The following C1orf50 variants were observed in gnomAD, a reference collection of about 807,000 sequenced individuals.
C1orf50 encodes the protein chromosome 1 open reading frame 50.
In C1orf50, 22 loss-of-function variants were observed where a neutral mutation model predicts 23.3. The ratio of observed to expected loss-of-function variants is 0.94; its 90% CI spans 0.67 to 1.35. C1orf50 has a LOEUF of 1.35. C1orf50 is among the 40% of genes most tolerant of loss of function. The probability of loss-of-function intolerance (pLI) is 0.00; values close to 1 mark genes in which losing one functional copy is unlikely to be tolerated. For missense variants in C1orf50, 271 were observed against 249.4 expected, an observed-to-expected ratio of 1.09 and a Z score of -0.58; for synonymous variants, 96 against 102.4, an observed-to-expected ratio of 0.94 and a Z score of 0.38.
intron 2 of C1orf50, among the ~76,000 whole-genome samples, chr1:42,772,499 G>A (rs373978102): frequency 6.6e-5 from 10 of 152,258 alleles, no homozygotes; most frequent in East Asian, 5.8e-4. Flanking sequence ...GAAATGTCCT[G>A]GCTGGGCTCA....
rs1417487432 is a variant in C1orf50, at chr1:42,778,536, T to C, written c.*3142T>C. On this transcript the variant is annotated 3_prime_UTR_variant, in exon 5 of 5. Coordinates refer to ENST00000372525, the MANE Select transcript of C1orf50 (RefSeq NM_024097.4). Reference sequence around the variant, plus strand: ...TTGTCTTTTGGGGGTTGGGGTAGGGTTCATTTTTGGATGGAGTTTATTTGT... The same window carrying C: ...TTGTCTTTTGGGGGTTGGGGTAGGGCTCATTTTTGGATGGAGTTTATTTGT... The C allele has an allele frequency of 6.6e-6, 1 of 152,132 alleles. No individual in the cohort carries two copies. Among genetic ancestry groups the C allele is most frequent in the East Asian group, 1.9e-4 (1 of 5,188 alleles). 9.4% of individuals were successfully genotyped at this position (152,132 alleles called of 1,614,324 possible).
At position 42,778,958 on chromosome 1, in the gene C1orf50, A is replaced by C. The variant is rs1653390022; in HGVS notation, c.*3564A>C. ...AGAATGAGAGGGCCTGTATTTCACC[A>C]ATTACAAGGTGTACTTCCCCCCCCC... On this transcript the variant is annotated 3_prime_UTR_variant, in exon 5 of 5. Transcript: ENST00000372525. The C allele has an allele frequency of 8.1e-6, 1 of 124,098 alleles. No homozygotes were observed. The allele number at this position is 124,098 out of a possible 1,614,324, so 7.7% of individuals were successfully genotyped here. A position where few individuals can be genotyped will look rare whatever the true frequency, so the allele number is the denominator to read the frequency against.
At position 42,767,511 on chromosome 1, in the gene C1orf50, G is replaced by A. The variant is rs1024299134; in HGVS notation, c.82G>A (p.Ala28Thr). The change falls in exon 2 of 5, where the codon GCC (alanine) becomes ACC (threonine). Residue 28 changes from alanine (A) to threonine (T), a missense_variant and splice_region_variant. Ala to Thr is a moderately conservative substitution (Grantham distance 58). Coordinates refer to ENST00000372525, the MANE Select transcript of C1orf50 (RefSeq NM_024097.4). Reference protein sequence around the residue: ...GAPPAAGQGGALVELTPTPGG... With the variant: ...GAPPAAGQGGTLVELTPTPGG... The stretch of plus-strand genomic sequence containing the variant: ...GTGTTCCTGGGTGTGTGTCGCAGGA[G>A]CCCTGGTGGAGCTCACCCCGACCCC... The A allele has an allele frequency of 6.4e-7, 1 of 1,571,428 alleles. No homozygotes were observed. The highest frequency in any genetic ancestry group is 8.6e-7 in the Non-Finnish European group (1 of 1,158,792).
chr1:42,774,684 G>T, intron 3 of C1orf50, 53 bp from the exon 4 acceptor site: 1 of 1,554,252 alleles, frequency 6.4e-7, no homozygotes, highest in Non-Finnish European at 8.8e-7. Context: ...ATCACCAAAT[G>T]TGGGTGCCTG....
In C1orf50 at chr1:42,774,793, G is replaced by GA. The variant is rs1557585726; in HGVS notation, c.345dup (p.Pro116ThrfsTer9). On this transcript the variant is annotated frameshift_variant, in exon 4 of 5. Coordinates refer to ENST00000372525, the MANE Select transcript of C1orf50 (RefSeq NM_024097.4). LOFTEE classifies it high-confidence loss of function. ...TGCACCATGTAGCTTGTAATATAGT[G>GA]AAAAAACCTGGCAACATTTACTATC... is the stretch of plus-strand genomic sequence containing the variant. 1 of 1,613,800 alleles carries GA rather than the reference G, an allele frequency of 6.2e-7. No homozygotes were observed. The highest frequency in any genetic ancestry group is 8.5e-7 in the Non-Finnish European group (1 of 1,179,884).
At position 42,767,813 on chromosome 1, in the gene C1orf50, G is replaced by A. The variant is rs61775634; in HGVS notation, c.195+189G>A. ...TTCGAATGACCTTCTGGGACCAAAG[G>A]TTCCTCTAACTGCAACTTGAGTGCC... On this transcript the variant is annotated intron_variant, in intron 2 of 4. Coordinates refer to ENST00000372525, the MANE Select transcript of C1orf50 (RefSeq NM_024097.4). Among the ~76,000 whole-genome samples, 28,629 of 152,104 alleles carry A rather than the reference G, an allele frequency of 0.19. 3,463 individuals are homozygous for A. The highest frequency in any genetic ancestry group is 0.25 in the Non-Finnish European group (17,151 of 67,958).
chr1:42,775,454 A>G lies in C1orf50; in HGVS notation c.*60A>G. 1 of 1,453,772 alleles carries G rather than the reference A, an allele frequency of 6.9e-7. No individual in the cohort carries two copies. 90.1% of individuals were successfully genotyped at this position (1,453,772 alleles called of 1,614,324 possible). The stretch of plus-strand genomic sequence containing the variant: ...GGCTGTCAACCTCCTTGTTGCCCCC[A>G]CTGTTGCCTTGAGAATTGAAGACAT... On this transcript the variant is annotated 3_prime_UTR_variant, in exon 5 of 5. Coordinates refer to ENST00000372525, the MANE Select transcript of C1orf50 (RefSeq NM_024097.4).
Position 42,767,301 on chromosome 1 carries a change from A to G in C1orf50, c.-11A>G. The G allele has an allele frequency of 6.7e-7, 1 of 1,498,974 alleles. No homozygotes were observed. The highest frequency in any genetic ancestry group is 8.9e-7 in the Non-Finnish European group (1 of 1,129,812). The allele number at this position is 1,498,974 out of a possible 1,614,324, so 92.9% of individuals were successfully genotyped here. On this transcript the variant is annotated 5_prime_UTR_variant, in exon 1 of 5. In the 5' UTR this introduces an upstream ATG that the reference lacks. Coordinates refer to ENST00000372525, the MANE Select transcript of C1orf50 (RefSeq NM_024097.4). ...GCACAGCCCAGGGAGTGGGGAGGAT[A>G]AGGCGCTGTCATGGAGGACGCCGCC...
At position 42,774,765 on chromosome 1, in the gene C1orf50, A is replaced by G. The variant is rs553727446; in HGVS notation, c.311A>G (p.Asn104Ser). Residue 104 changes from asparagine to serine, a missense_variant, in exon 4 of 5, where the codon AAC becomes AGC. Asn to Ser is a conservative substitution (Grantham distance 46). Transcript: ENST00000372525. ...KVLEDAHRDANLHHVACNIVK... is the reference protein window; with the variant it reads ...KVLEDAHRDASLHHVACNIVK... Reference sequence around the variant, plus strand: ...CTGGAAGATGCTCACAGAGATGCCAACCTGCACCATGTAGCTTGTAATATA... The same window carrying G: ...CTGGAAGATGCTCACAGAGATGCCAGCCTGCACCATGTAGCTTGTAATATA... The G allele has an allele frequency of 3.8e-4, 615 of 1,613,478 alleles. 9 individuals are homozygous for G. In the South Asian group the frequency reaches 6.0e-3, roughly 16 times the overall value.
At position 42,775,199 on chromosome 1, in the gene C1orf50, C is replaced by T. The variant is rs1222394525; in HGVS notation, c.415-10C>T. ...ACGCTGATGGGAACTGCCTCCTTTG[C>T]CTTCTCTAGGAATGGGGGACAAGTT... On this transcript the variant is annotated splice_polypyrimidine_tract_variant and intron_variant, in intron 4 of 4. Coordinates refer to ENST00000372525, the MANE Select transcript of C1orf50 (RefSeq NM_024097.4). The T allele has an allele frequency of 8.8e-6, 14 of 1,585,300 alleles. No individual in the cohort carries two copies. Among genetic ancestry groups the T allele is most frequent in the Admixed American group, 1.7e-5 (1 of 59,600 alleles).
chr1:42,773,884 A>G (rs1236935125), intron 3 of C1orf50, among the ~76,000 whole-genome samples: 1 of 152,066 alleles, frequency 6.6e-6, no homozygotes, highest in African/African-American at 2.4e-5. Flanking sequence ...GTGCAGTGGC[A>G]TGGTCTCAGC....
intron 2 of C1orf50, among the ~76,000 whole-genome samples, chr1:42,770,679 G>A (rs370763739): frequency 7.9e-5 from 12 of 152,236 alleles, no homozygotes; most frequent in East Asian, 1.9e-4. Flanking sequence ...TGATCCATCC[G>A]CTACGGCCTC....
chr1:42,775,376 C>T lies in C1orf50; in HGVS notation c.582C>T (p.Phe194=). The part of the protein sequence containing the change: ...VALPPCTEPN[F]QGLTH ...TGCCTCCGTGCACTGAACCCAACTT[C>T]CAGGGACTGACTCACTGAGAGTGGG... The change falls in exon 5 of 5, where the codon TTC becomes TTT. Residue 194 remains phenylalanine (F), a synonymous_variant. Coordinates refer to ENST00000372525, the MANE Select transcript of C1orf50 (RefSeq NM_024097.4). 1 of 1,592,756 alleles carries T rather than the reference C, an allele frequency of 6.3e-7. No homozygotes were observed. Among genetic ancestry groups the T allele is most frequent in the South Asian group, 1.1e-5 (1 of 90,326 alleles).
At chr1:42,775,139 AT>A (rs1653307737) in intron 4 of C1orf50, 69 bp from the exon 5 acceptor site, 1 of 1,407,700 alleles carries the variant, frequency 7.1e-7, no homozygotes, top group Admixed American at 1.9e-5. Flanking sequence ...AGATTGTGGC[AT>A]GATTAGGAAA....
chr1:42,773,268 C>G (rs1653261188), intron 2 of C1orf50: 1 of 220,642 alleles, frequency 4.5e-6, no homozygotes, highest in Non-Finnish European at 9.1e-6. Flanking sequence ...AGAAGGCATG[C>G]TGGAGAACCA....
chr1:42,770,137 G>C (rs773993791), intron 2 of C1orf50, among the ~76,000 whole-genome samples: 7 of 152,110 alleles, frequency 4.6e-5, no homozygotes, highest in Non-Finnish European at 7.4e-5. Context: ...AGTAGTTGTA[G>C]GTACTCTTCC....
rs746623762 is a variant in C1orf50, at chr1:42,767,393, A to T, written c.79+3A>T. 1 of 1,556,186 alleles carries T rather than the reference A, an allele frequency of 6.4e-7. No individual in the cohort carries two copies. Among genetic ancestry groups the T allele is most frequent in the Non-Finnish European group, 8.7e-7 (1 of 1,151,982 alleles). On this transcript the variant is annotated splice_donor_region_variant and intron_variant, in intron 1 of 4. Coordinates refer to ENST00000372525, the MANE Select transcript of C1orf50 (RefSeq NM_024097.4). ...GCCGCCAGCTGCAGGCCAGGGAGGT[A>T]TGCGGGGCGGGAGTCAGCAGGGGGA... is the stretch of plus-strand genomic sequence containing the variant.
rs937579945 is a variant in C1orf50, at chr1:42,775,225, G to T, written c.431G>T (p.Cys144Phe). 38 of 1,594,320 alleles carry T rather than the reference G, an allele frequency of 2.4e-5. No individual in the cohort carries two copies. The highest frequency in any genetic ancestry group is 3.3e-5 in the Non-Finnish European group (38 of 1,163,352). ...IISPKEWGTS[C>F]PHDFLGAYKL... ...CTTCTCTAGGAATGGGGGACAAGTT[G>T]TCCACATGACTTCCTTGGTGCCTAC... The change falls in exon 5 of 5, where the codon TGT becomes TTT. Residue 144 changes from cysteine to phenylalanine, a missense_variant. Cys to Phe is a radical substitution (Grantham distance 205). Transcript: ENST00000372525.
Position 42,775,644 on chromosome 1 carries a change from A to G in C1orf50, c.*250A>G. ...GTCAGTCAGTTTCAGAGTATTGGCC[A>G]GTGTACTTTCCTTCTTCCTCTCCAT... On this transcript the variant is annotated 3_prime_UTR_variant, in exon 5 of 5. Transcript: ENST00000372525. 5.7e-6 allele frequency: 2 copies of G among 349,814 alleles called. No homozygotes were observed. Among genetic ancestry groups the G allele is most frequent in the East Asian group, 4.3e-5 (1 of 23,002 alleles). The allele number at this position is 349,814 out of a possible 1,614,324, so 21.7% of individuals were successfully genotyped here. A position where few individuals can be genotyped will look rare whatever the true frequency, so the allele number is the denominator to read the frequency against.
Sources: allele counts gnomAD v4.1 joint callset (sites outside exome capture counted in the v4.1 genomes callset), GRCh38; gene constraint gnomAD v4.1.1; transcripts MANE v1.5; gene names NCBI Gene and HGNC (gene_info 2026-07-23, HGNC 2026-07-21).